Variants in UMAD1 observed in about 807,000 individuals in gnomAD.
UMAD1 encodes the protein UBAP1-MVB12-associated (UMA)-domain containing protein 1.
UMAD1 carries 8 observed loss-of-function variants against 6.1 expected under a neutral mutation model. The ratio of observed to expected loss-of-function variants is 1.30; its 90% confidence interval spans 0.76 to 2.35. The LOEUF is 2.35. Among genes scored for constraint, UMAD1 ranks in the 30% most tolerant of loss-of-function variants. The pLI is 0.00. For synonymous variants in UMAD1, 56 were observed against 31.4 expected, an observed-to-expected ratio of 1.78 and a Z score of -2.61; for missense variants, 130 against 78.4, an observed-to-expected ratio of 1.66 and a Z score of -2.49.
chr7:7,680,869 A>T (rs998906998), intron 2 of UMAD1, among the ~76,000 whole-genome samples: 1 of 151,616 alleles, frequency 6.6e-6, no homozygotes, highest in African/African-American at 2.4e-5. Context: ...TAAAAATGCT[A>T]TTGATTTTTG....
intron 3 of UMAD1, among the ~76,000 whole-genome samples, chr7:7,816,739 C>T (rs888542438): frequency 6.6e-6 from 1 of 152,212 alleles, no homozygotes; most frequent in Non-Finnish European, 1.5e-5. Context: ...GATCACCAAT[C>T]ACTTTATTTC....
intron 3 of UMAD1, among the ~76,000 whole-genome samples, chr7:7,824,254 A>G (rs1783300561): frequency 6.6e-6 from 1 of 152,096 alleles, no homozygotes; most frequent in African/African-American, 2.4e-5. Flanking sequence ...GCTCACCTTC[A>G]GTAACTACTT....
At chr7:7,706,951 C>T (rs532240616) in intron 2 of UMAD1, among the ~76,000 whole-genome samples, 1 of 152,268 alleles carries the variant, frequency 6.6e-6, no homozygotes, top group East Asian at 1.9e-4. Context: ...GCAAATCTTT[C>T]CTAATGCCAG....
At chr7:7,852,375 A>G (rs1783933608) in intron 3 of UMAD1, among the ~76,000 whole-genome samples, 1 of 152,054 alleles carries the variant, frequency 6.6e-6, no homozygotes, top group Non-Finnish European at 1.5e-5. Context: ...ATTTTACTTC[A>G]TCTTTTTCGA....
intron 2 of UMAD1, among the ~76,000 whole-genome samples, chr7:7,713,577 G>A (rs1240274396): frequency 2.6e-5 from 4 of 151,672 alleles, no homozygotes; most frequent in African/African-American, 9.7e-5. Flanking sequence ...TTTATTTTCT[G>A]TTTCATCATT....
At chr7:7,727,990 T>C (rs1234489797) in intron 2 of UMAD1, among the ~76,000 whole-genome samples, 1 of 152,162 alleles carries the variant, frequency 6.6e-6, no homozygotes, top group Non-Finnish European at 1.5e-5. Context: ...TCTATTCCAT[T>C]AGTTTTGTCC....
At chr7:7,840,068 A>G (rs73343505) in intron 3 of UMAD1, among the ~76,000 whole-genome samples, 39 of 152,262 alleles carry the variant, frequency 2.6e-4, no homozygotes, top group Non-Finnish European at 5.1e-4. Flanking sequence ...AATAGACATG[A>G]TGGTGACCTA....
intron 1 of UMAD1, among the ~76,000 whole-genome samples, chr7:7,667,743 A>G (rs2115100466): frequency 6.6e-6 from 1 of 152,320 alleles, no homozygotes; most frequent in Admixed American, 6.5e-5. Flanking sequence ...TTTGACTAAC[A>G]TTGAGAAATA....
intron 1 of UMAD1, among the ~76,000 whole-genome samples, chr7:7,669,025 C>T (rs767895337): frequency 9.9e-5 from 15 of 151,216 alleles, no homozygotes; most frequent in Admixed American, 5.9e-4. Context: ...CCCACACAGA[C>T]GTAGGGAGAA....
chr7:7,867,693 G>A (rs181731998), intron 3 of UMAD1, among the ~76,000 whole-genome samples: 255 of 152,238 alleles, frequency 1.7e-3, no homozygotes, highest in Non-Finnish European at 3.1e-3. Flanking sequence ...CAGACAGTGT[G>A]TGCCAACAAT....
At chr7:7,783,528 T>C (rs895619365) in intron 2 of UMAD1, among the ~76,000 whole-genome samples, 7 of 152,186 alleles carry the variant, frequency 4.6e-5, no homozygotes, top group African/African-American at 1.4e-4. Context: ...ATTTCACTTA[T>C]AAAATGGGTT....
At chr7:7,768,645 C>G (rs577058213) in intron 2 of UMAD1, among the ~76,000 whole-genome samples, 1 of 152,298 alleles carries the variant, frequency 6.6e-6, no homozygotes, top group Admixed American at 6.5e-5. Flanking sequence ...ATCAATTAAA[C>G]TCCTTGAAGA....
chr7:7,862,296 G>A (rs1784131068), intron 3 of UMAD1, among the ~76,000 whole-genome samples: 1 of 152,024 alleles, frequency 6.6e-6, no homozygotes, highest in Non-Finnish European at 1.5e-5. Flanking sequence ...TGTATATGTA[G>A]ATGATTGAAG....
chr7:7,674,746 C>T (rs779615972), intron 2 of UMAD1, among the ~76,000 whole-genome samples: 18 of 152,104 alleles, frequency 1.2e-4, no homozygotes, highest in Non-Finnish European at 2.2e-4. Flanking sequence ...CTGTTAACTC[C>T]GATTTTAGTT....
intron 3 of UMAD1, among the ~76,000 whole-genome samples, chr7:7,840,302 T>C (rs901456274): frequency 1.3e-5 from 2 of 152,064 alleles, no homozygotes; most frequent in Non-Finnish European, 2.9e-5. Flanking sequence ...GTTGGATGGG[T>C]TGTATATGCT....
At chr7:7,647,563 T>C (rs1273611813) in intron 1 of UMAD1, among the ~76,000 whole-genome samples, 1 of 152,216 alleles carries the variant, frequency 6.6e-6, no homozygotes, top group East Asian at 1.9e-4. Context: ...CTATAGATGG[T>C]AGCATTGTCA....
At chr7:7,864,602 TAC>T (rs59036228) in intron 3 of UMAD1, among the ~76,000 whole-genome samples, 23,536 of 139,582 alleles carry the variant, frequency 0.17, 1,887 homozygotes, top group East Asian at 0.21. Context: ...ACATGAAAAC[TAC>T]ACACACACAC....
intron 3 of UMAD1, among the ~76,000 whole-genome samples, chr7:7,872,009 A>G (rs1157649907): frequency 6.6e-6 from 1 of 152,042 alleles, no homozygotes; most frequent in Non-Finnish European, 1.5e-5. Flanking sequence ...TCCCCTCCGC[A>G]GTTCCATGCA....
chr7:7,771,754 A>G (rs750158063), intron 2 of UMAD1, among the ~76,000 whole-genome samples: 27 of 152,082 alleles, frequency 1.8e-4, no homozygotes, highest in Non-Finnish European at 3.2e-4. Context: ...TTGGCCTCAC[A>G]TTAGCTATGG....
Sources: gnomAD v4.1 joint callset for allele counts (sites outside exome capture counted in the v4.1 genomes callset) on GRCh38, gnomAD v4.1.1 for gene constraint, MANE v1.5 for transcripts, NCBI Gene and HGNC (gene_info 2026-07-23, HGNC 2026-07-21) for gene names.